TENM2: variants seen among roughly 807,000 people sequenced by gnomAD.
TENM2 encodes the protein teneurin transmembrane protein 2, also known as teneurin-2.
A neutral mutation model predicts 245.2 loss-of-function variants in TENM2; 52 were observed. The observed-to-expected ratio is 0.21, with a 90% confidence interval of 0.17 to 0.27. The LOEUF (loss-of-function observed/expected upper bound fraction) is 0.27. Among genes scored for constraint, TENM2 ranks in the 10% least tolerant of loss-of-function variants. TENM2 has a pLI of 1.00. For missense variants in TENM2, 3,046 were observed against 3,666.8 expected (o/e 0.83, Z 4.37); for synonymous variants, 1,363 against 1,438.9 (o/e 0.95, Z 1.19).
intron 12 of TENM2, among the ~76,000 whole-genome samples, chr5:168,146,473 C>T (rs1291727244): frequency 6.6e-6 from 1 of 152,208 alleles, no homozygotes; most frequent in Non-Finnish European, 1.5e-5. Flanking sequence ...ACTCATGCTT[C>T]TGTCTTTATC....
At chr5:167,280,328 C>T (rs1347716564), upstream of TENM2, among the ~76,000 whole-genome samples, 2 of 152,168 alleles carry the variant, frequency 1.3e-5, no homozygotes, top group Non-Finnish European at 2.9e-5. Flanking sequence ...TTCTGACTCT[C>T]CTAAACATTC....
At chr5:168,047,884 GGCAGCAGCA>G (rs370697921) in intron 6 of TENM2, among the ~76,000 whole-genome samples, 8 of 151,810 alleles carry the variant, frequency 5.3e-5, no homozygotes, top group Non-Finnish European at 1.0e-4. Context: ...CAGCTGGAGT[GGCAGCAGCA>G]GCAGCAGCAG....
intron 2 of TENM2, among the ~76,000 whole-genome samples, chr5:167,543,007 C>A (rs1302300647): frequency 6.6e-6 from 1 of 152,156 alleles, no homozygotes; most frequent in African/African-American, 2.4e-5. Flanking sequence ...ACTTGACCAG[C>A]ACAATCAGTA....
At chr5:167,420,020 T>C (rs1301016561) in intron 2 of TENM2, among the ~76,000 whole-genome samples, 1 of 152,076 alleles carries the variant, frequency 6.6e-6, no homozygotes, top group Non-Finnish European at 1.5e-5. Context: ...AGTGTAATAA[T>C]TAAAATAATA....
chr5:168,082,209 C>A (rs376213974), intron 7 of TENM2, among the ~76,000 whole-genome samples: 74 of 152,120 alleles, frequency 4.9e-4, no homozygotes, highest in African/African-American at 1.6e-3. Flanking sequence ...ACTCTTTTTT[C>A]CACTTGATCG....
At chr5:167,270,761 T>C in the TENM2 span, among the ~76,000 whole-genome samples, 2 of 152,176 alleles carry the variant, frequency 1.3e-5, no homozygotes, top group African/African-American at 4.8e-5. Context: ...GTTTTCTCTG[T>C]CGTTTCTCTT....
intron 3 of TENM2, among the ~76,000 whole-genome samples, chr5:167,943,764 A>G (rs1277743423): frequency 6.6e-6 from 1 of 152,182 alleles, no homozygotes; most frequent in East Asian, 1.9e-4. Context: ...AAACTTCTCG[A>G]CAGGGAGTGC....
At chr5:167,947,916 T>C (rs888101402) in intron 3 of TENM2, among the ~76,000 whole-genome samples, 1 of 152,094 alleles carries the variant, frequency 6.6e-6, no homozygotes, top group Non-Finnish European at 1.5e-5. Context: ...CCAGGAAAAA[T>C]TGGTGAAGAC....
At chr5:167,352,412 A>C (rs1475172100) in intron 1 of TENM2, among the ~76,000 whole-genome samples, 1 of 152,228 alleles carries the variant, frequency 6.6e-6, no homozygotes, top group Non-Finnish European at 1.5e-5. Flanking sequence ...GCAGATAATT[A>C]TTAAAAACTT....
chr5:167,052,339 G>C, the TENM2 span, among the ~76,000 whole-genome samples: 11 of 152,068 alleles, frequency 7.2e-5, no homozygotes, highest in Middle Eastern at 3.4e-3. Flanking sequence ...AGGTTGAAAT[G>C]CCAACATCAT....
chr5:167,940,332 C>G (rs6882229), intron 3 of TENM2, among the ~76,000 whole-genome samples: 1 of 151,980 alleles, frequency 6.6e-6, no homozygotes, highest in Non-Finnish European at 1.5e-5. Flanking sequence ...ACTCCAAGAG[C>G]CAGGGATTCA....
At chr5:167,351,861 A>C (rs970997353) in intron 1 of TENM2, among the ~76,000 whole-genome samples, 3 of 152,134 alleles carry the variant, frequency 2.0e-5, no homozygotes, top group African/African-American at 7.2e-5. Flanking sequence ...AACAAAAAAA[A>C]AAATAAAACC....
At chr5:167,315,349 TC>T (rs1756301123) in intron 1 of TENM2, among the ~76,000 whole-genome samples, 2 of 152,160 alleles carry the variant, frequency 1.3e-5, no homozygotes, top group Non-Finnish European at 2.9e-5. Flanking sequence ...AACAATCTGC[TC>T]CAAGAATTTC....
At chr5:168,020,503 T>A (rs1786047959) in intron 5 of TENM2, among the ~76,000 whole-genome samples, 1 of 152,246 alleles carries the variant, frequency 6.6e-6, no homozygotes, top group Non-Finnish European at 1.5e-5. Flanking sequence ...GTTTTGGGTT[T>A]TTGACGTCGT....
In TENM2 at chr5:168,035,951, T is replaced by G. The variant is rs903089831; in HGVS notation, c.1187-11476T>G. Among the ~76,000 whole-genome samples, 7 of 152,280 alleles carry G rather than the reference T, an allele frequency of 4.6e-5. No individual in the cohort carries two copies. The South Asian group carries it at 1.2e-3, about 27-fold the overall frequency. Reference sequence around the variant, plus strand: ...CAAATAAGACTAGTAGGAGATGCATTGAGAAAGTTTGGCCTAAAAGAGCTA... The same window carrying G: ...CAAATAAGACTAGTAGGAGATGCATGGAGAAAGTTTGGCCTAAAAGAGCTA... On this transcript the variant is annotated intron_variant, in intron 5 of 28. Transcript: ENST00000518659.
rs190857830 is a variant in TENM2 at position 167,816,646 on chromosome 5, T to G, written c.503-59340T>G. The stretch of plus-strand genomic sequence containing the variant: ...CCTCAGCAGTGTGTATTTAGAGACA[T>G]TCATCATTAGAAATTGAGTGAGAAC... On this transcript the variant is annotated intron_variant, in intron 2 of 28. Transcript: ENST00000518659. 4.3e-4 allele frequency among the ~76,000 whole-genome samples: 65 copies of G among 152,216 alleles called. No individual in the cohort carries two copies. The Middle Eastern group carries it at 0.014, about 32-fold the overall frequency.
chr5:167,787,172 G>A (rs148596416), intron 2 of TENM2, among the ~76,000 whole-genome samples: 2 of 152,238 alleles, frequency 1.3e-5, no homozygotes, highest in African/African-American at 2.4e-5. Flanking sequence ...GGGGGGACTG[G>A]GAGAATCCAA....
chr5:167,522,368 A>C (rs1770817583), intron 2 of TENM2, among the ~76,000 whole-genome samples: 1 of 151,824 alleles, frequency 6.6e-6, no homozygotes, highest in South Asian at 2.1e-4. Context: ...TAAAAGTAAC[A>C]CTCTGATGAT....
At chr5:168,023,804 G>A (rs11947994) in intron 5 of TENM2, among the ~76,000 whole-genome samples, 3,326 of 152,240 alleles carry the variant, frequency 0.022, 103 homozygotes, top group African/African-American at 0.074. Context: ...CTTGCCACCT[G>A]CCCTGGGAGC....
Sources: allele counts gnomAD v4.1 joint callset (sites outside exome capture counted in the v4.1 genomes callset), GRCh38; gene constraint gnomAD v4.1.1; transcripts MANE v1.5; gene names NCBI Gene and HGNC (gene_info 2026-07-23, HGNC 2026-07-21).